SLC9A9: variants seen among roughly 807,000 people sequenced by gnomAD.
SLC9A9 encodes the protein solute carrier family 9 member A9.
SLC9A9 carries 62 observed loss-of-function variants against 77.8 expected under a neutral mutation model. The ratio of observed to expected loss-of-function variants is 0.80; its 90% CI spans 0.65 to 0.98. The LOEUF (loss-of-function observed/expected upper bound fraction) is 0.98, where lower values mean the gene tolerates loss of function less well. Ranked by LOEUF, SLC9A9 falls within the 50% of genes least tolerant of loss-of-function variation. The pLI, the probability that SLC9A9 is intolerant of heterozygous loss-of-function variation, is 0.00. For synonymous variants in SLC9A9, 320 were observed against 283.5 expected, an observed-to-expected ratio of 1.13 and a Z score of -1.29; for missense variants, 775 against 774.9, an observed-to-expected ratio of 1.00 and a Z score of 0.00.
chr3:143,350,018 T>C (rs758900696), intron 14 of SLC9A9, among the ~76,000 whole-genome samples: 2 of 152,156 alleles, frequency 1.3e-5, no homozygotes, highest in Non-Finnish European at 2.9e-5. Flanking sequence ...TTCATATAAA[T>C]AGGATTCTAC....
intron 9 of SLC9A9, among the ~76,000 whole-genome samples, chr3:143,525,618 T>A (rs1056480724): frequency 2.0e-5 from 3 of 152,194 alleles, no homozygotes; most frequent in African/African-American, 4.8e-5. Flanking sequence ...CATCACAACC[T>A]TGCAGCATAT....
chr3:143,531,210 T>C (rs2036505190), intron 9 of SLC9A9, among the ~76,000 whole-genome samples: 1 of 152,224 alleles, frequency 6.6e-6, no homozygotes, highest in South Asian at 2.1e-4. Context: ...CATCAACTCA[T>C]GCCTCCGCTT....
chr3:143,376,375 C>T (rs1014046987), intron 13 of SLC9A9, among the ~76,000 whole-genome samples: 1 of 152,152 alleles, frequency 6.6e-6, no homozygotes, highest in Non-Finnish European at 1.5e-5. Flanking sequence ...ACGGCTTTGG[C>T]CTTTAGTTCT....
rs150105333 is a variant in SLC9A9, at chr3:143,331,442, A to G, written c.1604+32042T>C. On this transcript the variant is annotated intron_variant, in intron 14 of 15. Coordinates refer to ENST00000316549, the MANE Select transcript of SLC9A9 (RefSeq NM_173653.4). ...ATTTTTGAGTCAGTGCTAGCATTCA[A>G]TTATTTCCTGTTGAATAGGGAACAA... Among the ~76,000 whole-genome samples the G allele has an allele frequency of 2.4e-3, 365 of 152,326 alleles. 1 individual carries two copies. Among genetic ancestry groups the G allele is most frequent in the Non-Finnish European group, 3.9e-3 (266 of 68,030 alleles).
intron 7 of SLC9A9, 102 bp downstream of exon 7, chr3:143,578,483 T>A: frequency 1.3e-6 from 2 of 1,566,292 alleles, no homozygotes; most frequent in South Asian, 1.1e-5. Context: ...GACCAGACTA[T>A]CTAGCCTTTT....
chr3:143,433,364 G>C (rs1425432180), intron 12 of SLC9A9, among the ~76,000 whole-genome samples: 3 of 152,130 alleles, frequency 2.0e-5, no homozygotes, highest in Non-Finnish European at 1.5e-5. Flanking sequence ...ATTTTTTTGT[G>C]TGTTTTGACT....
At chr3:143,600,080 G>T (rs185438053) in intron 6 of SLC9A9, among the ~76,000 whole-genome samples, 2 of 151,862 alleles carry the variant, frequency 1.3e-5, no homozygotes, top group East Asian at 3.9e-4. Context: ...TGCAGAATGT[G>T]CAGGTTTGTT....
intron 6 of SLC9A9, among the ~76,000 whole-genome samples, chr3:143,593,784 T>C (rs2037702784): frequency 6.6e-6 from 1 of 152,232 alleles, no homozygotes; most frequent in Non-Finnish European, 1.5e-5. Flanking sequence ...AGGATGTTGA[T>C]GCATAATTAG....
chr3:143,465,433 C>T (rs1228443304), intron 12 of SLC9A9, among the ~76,000 whole-genome samples: 1 of 152,170 alleles, frequency 6.6e-6, no homozygotes, highest in Non-Finnish European at 1.5e-5. Context: ...TAGGTAAATA[C>T]TTTAGGATAA....
chr3:143,807,196 C>A (rs2008742479), intron 2 of SLC9A9, among the ~76,000 whole-genome samples: 2 of 152,158 alleles, frequency 1.3e-5, no homozygotes, highest in African/African-American at 2.4e-5. Context: ...GTAATCCCAG[C>A]ACTTTGGGAG....
At chr3:143,802,856 C>T (rs956124564) in intron 2 of SLC9A9, among the ~76,000 whole-genome samples, 1 of 152,206 alleles carries the variant, frequency 6.6e-6, no homozygotes, top group East Asian at 1.9e-4. Context: ...CTACAGGGTA[C>T]AGTCCATTTG....
rs577710341 is a variant in SLC9A9 at position 143,716,202 on chromosome 3, G to T, written c.534-22895C>A. ...AGATCCTCCTGCCTCAGCCTCCTGAGTAGCTAAGACTACAGATGTGTGCCA... is the reference window on the plus strand; with the variant it reads ...AGATCCTCCTGCCTCAGCCTCCTGATTAGCTAAGACTACAGATGTGTGCCA... On this transcript the variant is annotated intron_variant, in intron 4 of 15. Coordinates refer to ENST00000316549, the MANE Select transcript of SLC9A9 (RefSeq NM_173653.4). Among the ~76,000 whole-genome samples the T allele has an allele frequency of 1.1e-3, 173 of 152,124 alleles. 1 individual carries two copies. Among genetic ancestry groups the T allele is most frequent in the Middle Eastern group, 3.4e-3 (1 of 294 alleles).
chr3:143,424,146 G>T (rs2034360668), intron 12 of SLC9A9, among the ~76,000 whole-genome samples: 1 of 152,292 alleles, frequency 6.6e-6, no homozygotes, highest in Non-Finnish European at 1.5e-5. Context: ...TCTGGTGGTT[G>T]CATTGTGGTT....
At chr3:143,450,072 A>T (rs1292472948) in intron 12 of SLC9A9, among the ~76,000 whole-genome samples, 1 of 91,080 alleles carries the variant, frequency 1.1e-5, no homozygotes, top group African/African-American at 5.2e-5. Flanking sequence ...ATATGTATAT[A>T]TAATATAACA....
rs9755504 is a variant in SLC9A9, at chr3:143,625,952, G to A, written c.755+26303C>T. Among the ~76,000 whole-genome samples the A allele has an allele frequency of 7.8e-3, 1,180 of 152,222 alleles. 15 individuals are homozygous for A. Among genetic ancestry groups the A allele is most frequent in the African/African-American group, 0.027 (1,127 of 41,526 alleles). On this transcript the variant is annotated intron_variant, in intron 6 of 15. Transcript: ENST00000316549. ...CAACCAACCCCATCAAAATGTGGGCGAAGGATATGAACAGACACTTCTCAA... is the reference window on the plus strand; with the variant it reads ...CAACCAACCCCATCAAAATGTGGGCAAAGGATATGAACAGACACTTCTCAA...
At chr3:143,545,156 G>A (rs982889559) in intron 9 of SLC9A9, among the ~76,000 whole-genome samples, 9 of 152,028 alleles carry the variant, frequency 5.9e-5, no homozygotes, top group African/African-American at 2.2e-4. Flanking sequence ...CTCTTTCTTA[G>A]TTTTATATTT....
chr3:143,478,721 T>C (rs1484985952), intron 11 of SLC9A9, among the ~76,000 whole-genome samples: 1 of 152,218 alleles, frequency 6.6e-6, no homozygotes, highest in African/African-American at 2.4e-5. Flanking sequence ...CCACAAAACC[T>C]GAGGGCAGAA....
intron 5 of SLC9A9, among the ~76,000 whole-genome samples, chr3:143,691,801 A>C (rs1458509743): frequency 6.6e-6 from 1 of 152,136 alleles, no homozygotes; most frequent in Non-Finnish European, 1.5e-5. Flanking sequence ...GAAGTCCTAT[A>C]ATAAGTCCTT....
At chr3:143,663,519 G>A (rs562702384) in intron 5 of SLC9A9, among the ~76,000 whole-genome samples, 1 of 152,298 alleles carries the variant, frequency 6.6e-6, no homozygotes, top group South Asian at 2.1e-4. Context: ...AAATTTCTCT[G>A]AGCTAAAGGT....
Sources: allele counts gnomAD v4.1 joint callset (sites outside exome capture counted in the v4.1 genomes callset), GRCh38; gene constraint gnomAD v4.1.1; transcripts MANE v1.5; gene names NCBI Gene and HGNC (gene_info 2026-07-23, HGNC 2026-07-21).